RASSF9: variants seen among roughly 807,000 people sequenced by gnomAD.
The protein encoded by RASSF9 is ras association domain-containing protein 9.
A neutral mutation model predicts 21.4 loss-of-function variants in RASSF9; 18 were observed. The ratio of observed to expected loss-of-function variants is 0.84; its 90% confidence interval spans 0.58 to 1.25. RASSF9 has a LOEUF of 1.25. Among genes scored for constraint, RASSF9 ranks in the 50% most tolerant of loss-of-function variants. The pLI is 0.00. For missense variants in RASSF9, 480 were observed against 503.2 expected (o/e 0.95, Z 0.44); for synonymous variants, 183 against 179.1 (o/e 1.02, Z -0.18).
At position 85,805,097 on chromosome 12, in the gene RASSF9, C is replaced by G. The variant is rs776835372; in HGVS notation, c.913G>C (p.Glu305Gln). Residue 305 changes from glutamate to glutamine, a missense_variant, in exon 2 of 2, where the codon GAA becomes CAA. Coordinates refer to ENST00000361228, the MANE Select transcript of RASSF9 (RefSeq NM_005447.4). ...GAGCTTTCCAGTTCACTTGCAGCTTCCCCTTCCGCATCTTCATTTATATCA... is the reference window on the plus strand; with the variant it reads ...GAGCTTTCCAGTTCACTTGCAGCTTGCCCTTCCGCATCTTCATTTATATCA... Reference protein sequence around the residue: ...CIDINEDAEGEAASELESSNL... With the variant: ...CIDINEDAEGQAASELESSNL... 1 of 1,614,010 alleles carries G rather than the reference C, an allele frequency of 6.2e-7. No homozygotes were observed. Among genetic ancestry groups the G allele is most frequent in the Admixed American group, 1.7e-5 (1 of 60,028 alleles).
At chr12:85,823,178 C>A (rs1041761351) in intron 1 of RASSF9, among the ~76,000 whole-genome samples, 1 of 141,506 alleles carries the variant, frequency 7.1e-6, no homozygotes, top group Non-Finnish European at 1.5e-5. Context: ...CCAGCCTGGG[C>A]GACAGAGCAA....
At chr12:85,836,131 A>C (rs1269882652) in intron 1 of RASSF9, 24 bp downstream of exon 1, 3 of 1,550,940 alleles carry the variant, frequency 1.9e-6, no homozygotes, top group Non-Finnish European at 2.6e-6. Flanking sequence ...ACACACACAC[A>C]CTTACTCACA....
At chr12:85,809,428 C>A (rs1418528117) in intron 1 of RASSF9, among the ~76,000 whole-genome samples, 2 of 151,910 alleles carry the variant, frequency 1.3e-5, no homozygotes, top group East Asian at 1.9e-4. Context: ...CTCTTCTGTG[C>A]CTTTTTAATT....
In RASSF9 at chr12:85,805,013, G is replaced by C; in HGVS notation, c.997C>G (p.His333Asp). ...EKSMKAGLKI[H>D]SHLSGIQKEI... ...TTCTGGATGCCACTCAAATGAGAGTGAATTTTCAAACCAGCTTTCATGCTT... is the reference window on the plus strand; with the variant it reads ...TTCTGGATGCCACTCAAATGAGAGTCAATTTTCAAACCAGCTTTCATGCTT... The change falls in exon 2 of 2, where the codon CAC (histidine) becomes GAC (aspartate). Residue 333 changes from histidine to aspartate, a missense_variant. Physicochemically the swap from His to Asp is moderately conservative, Grantham distance 81. Transcript: ENST00000361228. The C allele has an allele frequency of 6.2e-7, 1 of 1,613,938 alleles. No individual in the cohort carries two copies. Among genetic ancestry groups the C allele is most frequent in the Non-Finnish European group, 8.5e-7 (1 of 1,179,838 alleles).
At chr12:85,831,213 A>C (rs1880442428) in intron 1 of RASSF9, among the ~76,000 whole-genome samples, 1 of 152,076 alleles carries the variant, frequency 6.6e-6, no homozygotes, top group African/African-American at 2.4e-5. Context: ...AATTATTTAG[A>C]GTTATCATCA....
chr12:85,807,746 G>C (rs1037572481), intron 1 of RASSF9, among the ~76,000 whole-genome samples: 2 of 152,020 alleles, frequency 1.3e-5, no homozygotes, highest in Non-Finnish European at 2.9e-5. Context: ...AAACACTTCA[G>C]TTCTCTGGAG....
intron 1 of RASSF9, among the ~76,000 whole-genome samples, chr12:85,829,148 C>T (rs1880397261): frequency 6.6e-6 from 1 of 152,032 alleles, no homozygotes; most frequent in South Asian, 2.1e-4. Context: ...TATGAGGTGG[C>T]TACAAAATGT....
intron 1 of RASSF9, among the ~76,000 whole-genome samples, chr12:85,807,236 TGTGAATGTA>T (rs1319363417): frequency 6.6e-6 from 1 of 152,086 alleles, no homozygotes; most frequent in African/African-American, 2.4e-5. Flanking sequence ...ACAGCAATAC[TGTGAATGTA>T]GTTGAAAGCT....
intron 1 of RASSF9, among the ~76,000 whole-genome samples, chr12:85,806,672 C>CAAAAAAA (rs71076150): frequency 9.1e-5 from 5 of 54,836 alleles, no homozygotes; most frequent in African/African-American, 1.3e-4. Context: ...GACTCCATCT[C>CAAAAAAA]AAAAAAAAAA....
chr12:85,810,571 C>T (rs539135277), intron 1 of RASSF9, among the ~76,000 whole-genome samples: 5 of 151,944 alleles, frequency 3.3e-5, no homozygotes, highest in Non-Finnish European at 7.4e-5. Flanking sequence ...ACTTTATAGA[C>T]ATAAACACTT....
At chr12:85,820,610 G>C (rs1296256686) in intron 1 of RASSF9, among the ~76,000 whole-genome samples, 1 of 152,052 alleles carries the variant, frequency 6.6e-6, no homozygotes. Flanking sequence ...GAAGTCACCT[G>C]TATTTGCTAA....
chr12:85,807,047 T>C (rs187622447), intron 1 of RASSF9, among the ~76,000 whole-genome samples: 102 of 152,204 alleles, frequency 6.7e-4, no homozygotes, highest in African/African-American at 2.4e-3. Flanking sequence ...GAAAATTAAA[T>C]GGGGCAAAGG....
chr12:85,801,302 TAAG>T lies in RASSF9; in HGVS notation c.*3397_*3399del, dbSNP rs1043881963. ...TTTAATTTTTCTTTCCCAAAATGTATAAGGTCAATTACTGTTAATGTTTTAAGT... is the reference window on the plus strand; with the variant it reads ...TTTAATTTTTCTTTCCCAAAATGTATGTCAATTACTGTTAATGTTTTAAGT... On this transcript the variant is annotated 3_prime_UTR_variant, in exon 2 of 2. Coordinates refer to ENST00000361228, the MANE Select transcript of RASSF9 (RefSeq NM_005447.4). 2 of 152,152 alleles carry T rather than the reference TAAG, an allele frequency of 1.3e-5. No homozygotes were observed. Among genetic ancestry groups the T allele is most frequent in the Non-Finnish European group, 2.9e-5 (2 of 68,024 alleles). The allele number at this position is 152,152 out of a possible 1,614,324, so 9.4% of individuals were successfully genotyped here. A position where few individuals can be genotyped will look rare whatever the true frequency, so the allele number is the denominator to read the frequency against.
intron 1 of RASSF9, among the ~76,000 whole-genome samples, chr12:85,820,136 G>T (rs889222667): frequency 6.6e-6 from 1 of 152,118 alleles, no homozygotes; most frequent in Non-Finnish European, 1.5e-5. Context: ...ATTTTTAAAT[G>T]TTTTTAAAAA....
At chr12:85,818,583 A>G (rs1880130396) in intron 1 of RASSF9, among the ~76,000 whole-genome samples, 1 of 152,250 alleles carries the variant, frequency 6.6e-6, no homozygotes, top group Admixed American at 6.5e-5. Flanking sequence ...CTTATCTACA[A>G]TGCAATATTC....
At chr12:85,831,227 C>A (rs928239373) in intron 1 of RASSF9, among the ~76,000 whole-genome samples, 2 of 152,044 alleles carry the variant, frequency 1.3e-5, no homozygotes, top group Non-Finnish European at 2.9e-5. Context: ...ATCATCAGAT[C>A]TCCTGGAACT....
intron 1 of RASSF9, among the ~76,000 whole-genome samples, chr12:85,831,152 C>T (rs1880441027): frequency 6.6e-6 from 1 of 151,932 alleles, no homozygotes; most frequent in Non-Finnish European, 1.5e-5. Context: ...TTACTTCAAC[C>T]TTATTTCATT....
rs1219805750 is a variant in RASSF9 at position 85,803,401 on chromosome 12, C to A, written c.*1301G>T. 4 of 151,820 alleles carry A rather than the reference C, an allele frequency of 2.6e-5. No individual in the cohort carries two copies. Among genetic ancestry groups the A allele is most frequent in the African/African-American group, 9.7e-5 (4 of 41,380 alleles). The allele number at this position is 151,820 out of a possible 1,614,324, so 9.4% of individuals were successfully genotyped here. On this transcript the variant is annotated 3_prime_UTR_variant, in exon 2 of 2. Transcript: ENST00000361228. ...ATAAACTGCAGCAGTACTCAGTTAA[C>A]AGTACAATAAAAAATAATTATTTCA...
intron 1 of RASSF9, among the ~76,000 whole-genome samples, chr12:85,833,826 T>C (rs1880505157): frequency 1.3e-5 from 2 of 152,058 alleles, no homozygotes; most frequent in Non-Finnish European, 2.9e-5. Flanking sequence ...TATATGTCTG[T>C]ATTTGAAGAA....
Sources: allele counts gnomAD v4.1 joint callset (sites outside exome capture counted in the v4.1 genomes callset), GRCh38; gene constraint gnomAD v4.1.1; transcripts MANE v1.5; gene names NCBI Gene and HGNC (gene_info 2026-07-23, HGNC 2026-07-21).